TAF4B: variants seen among roughly 807,000 people sequenced by gnomAD.
The protein encoded by TAF4B is transcription initiation factor TFIID subunit 4B.
Under a neutral mutation model 86.4 loss-of-function variants are expected in TAF4B, and 38 were observed. That is an observed-to-expected ratio of 0.44 (90% CI 0.34 to 0.58). TAF4B has a LOEUF of 0.58. Ranked by LOEUF, TAF4B falls within the 20% of genes least tolerant of loss-of-function variation. The pLI, the probability that TAF4B is intolerant of heterozygous loss-of-function variation, is 0.02. For synonymous variants in TAF4B, 388 were observed against 391.2 expected (o/e 0.99, Z 0.10); for missense variants, 988 against 1,027.6 (o/e 0.96, Z 0.53).
chr18:26,272,496 A>G (rs1304780902), intron 3 of TAF4B, among the ~76,000 whole-genome samples: 1 of 152,110 alleles, frequency 6.6e-6, no homozygotes, highest in Non-Finnish European at 1.5e-5. Context: ...TGGAGACAGG[A>G]TAAAACATTG....
intron 9 of TAF4B, among the ~76,000 whole-genome samples, chr18:26,297,097 G>A (rs1236512761): frequency 6.6e-6 from 1 of 150,904 alleles, no homozygotes; most frequent in African/African-American, 2.4e-5. Flanking sequence ...TTGCGCCACT[G>A]CACTCCAGCC....
intron 9 of TAF4B, among the ~76,000 whole-genome samples, chr18:26,305,590 A>G (rs574342753): frequency 6.6e-6 from 1 of 152,194 alleles, no homozygotes; most frequent in African/African-American, 2.4e-5. Flanking sequence ...TATTTTTAGT[A>G]GAGACGGGGT....
At chr18:26,350,131 G>A (rs1393497069) in intron 13 of TAF4B, among the ~76,000 whole-genome samples, 5 of 152,132 alleles carry the variant, frequency 3.3e-5, no homozygotes, top group African/African-American at 1.2e-4. Flanking sequence ...AAATGCTTCA[G>A]GACATACTTT....
At chr18:26,355,088 G>A (rs572271186) in intron 13 of TAF4B, among the ~76,000 whole-genome samples, 2 of 152,236 alleles carry the variant, frequency 1.3e-5, no homozygotes, top group East Asian at 3.9e-4. Context: ...GATTTATAGT[G>A]TAGAAATACC....
chr18:26,362,126 T>C (rs2057337467), intron 14 of TAF4B, among the ~76,000 whole-genome samples: 1 of 152,224 alleles, frequency 6.6e-6, no homozygotes, highest in African/African-American at 2.4e-5. Flanking sequence ...GATAAGTATA[T>C]GTGCTTTAGA....
intron 12 of TAF4B, among the ~76,000 whole-genome samples, chr18:26,331,781 T>C (rs188442392): frequency 3.9e-5 from 6 of 152,344 alleles, no homozygotes; most frequent in African/African-American, 2.4e-5. Flanking sequence ...ACTTTCATAC[T>C]AACTTCTAAG....
intron 1 of TAF4B, among the ~76,000 whole-genome samples, chr18:26,242,881 ATTCT>A (rs1303607163): frequency 3.3e-5 from 5 of 149,696 alleles, no homozygotes; most frequent in South Asian, 4.2e-4. Context: ...TGACTTGAAA[ATTCT>A]TTCTTTAAGA....
At chr18:26,304,207 G>GT (rs2056771584) in intron 9 of TAF4B, among the ~76,000 whole-genome samples, 3 of 88,510 alleles carry the variant, frequency 3.4e-5, no homozygotes, top group Admixed American at 1.3e-4. Flanking sequence ...TTATTCCATT[G>GT]TTTTTGGGTG....
chr18:26,357,743 T>C lies in TAF4B; in HGVS notation c.2370T>C (p.Ala790=). The C allele has an allele frequency of 1.2e-6, 2 of 1,613,444 alleles. No homozygotes were observed. Among genetic ancestry groups the C allele is most frequent in the Non-Finnish European group, 1.7e-6 (2 of 1,179,672 alleles). Reference sequence around the variant, plus strand: ...AGCATAGAGACGCTAATCTCACAGCTCTTGCAGCTATTGGACCAAGGAAGA... The same window carrying C: ...AGCATAGAGACGCTAATCTCACAGCCCTTGCAGCTATTGGACCAAGGAAGA... ...QIQHRDANLT[A]LAAIGPRKKR... is the part of the protein sequence containing the mutation. The change falls in exon 14 of 15, where the codon GCT becomes GCC. Residue 790 remains alanine, a synonymous_variant. Coordinates refer to ENST00000269142, the MANE Select transcript of TAF4B (RefSeq NM_005640.3).
rs186571518 is a variant in TAF4B, at chr18:26,359,225, T to C, written c.2421+1431T>C. ...ACTTTTTAAGGGTGTATGACATTAC[T>C]GTATTTAAGTAAACCATAATTTATT... On this transcript the variant is annotated intron_variant, in intron 14 of 14. Coordinates refer to ENST00000269142, the MANE Select transcript of TAF4B (RefSeq NM_005640.3). Among the ~76,000 whole-genome samples the C allele has an allele frequency of 1.8e-3, 270 of 152,370 alleles. 1 individual carries two copies. The highest frequency in any genetic ancestry group is 0.017 in the Middle Eastern group (5 of 294).
rs1225746467 is a variant in TAF4B, at chr18:26,304,030, T to G, written c.1832+10499T>G. ...TAATATTTTTGGTAACTGCCTTTTC[T>G]TTTACTAGCATAGAGAAATTCAGGA... On this transcript the variant is annotated intron_variant, in intron 9 of 14. Coordinates refer to ENST00000269142, the MANE Select transcript of TAF4B (RefSeq NM_005640.3). Among the ~76,000 whole-genome samples the G allele has an allele frequency of 3.3e-5, 5 of 152,114 alleles. No homozygotes were observed. The East Asian group carries it at 9.6e-4, about 29-fold the overall frequency.
rs551827435 is a variant in TAF4B at position 26,297,512 on chromosome 18, C to T, written c.1832+3981C>T. On this transcript the variant is annotated intron_variant, in intron 9 of 14. Coordinates refer to ENST00000269142, the MANE Select transcript of TAF4B (RefSeq NM_005640.3). ...ATGTTTTGTGCCCTGCATGCTTTCC[C>T]CCTGGCTTCTCTATTCTGTTTTAGT... 1.3e-4 allele frequency among the ~76,000 whole-genome samples: 20 copies of T among 152,266 alleles called. 1 individual carries two copies. In the South Asian group the frequency reaches 4.1e-3, roughly 32 times the overall value.
intron 6 of TAF4B, among the ~76,000 whole-genome samples, chr18:26,285,222 G>GTT (rs776976703): frequency 4.4e-5 from 2 of 45,688 alleles, no homozygotes; most frequent in Non-Finnish European, 9.0e-5. Flanking sequence ...TTTTTTTTTT[G>GTT]TTTTTTTTTT....
At chr18:26,293,018 C>CT (rs1250594698) in intron 8 of TAF4B, among the ~76,000 whole-genome samples, 1 of 152,102 alleles carries the variant, frequency 6.6e-6, no homozygotes, top group Non-Finnish European at 1.5e-5. Flanking sequence ...TATGTACACA[C>CT]TTGTATGCAT....
chr18:26,291,987 C>T (rs1029494851), intron 7 of TAF4B, among the ~76,000 whole-genome samples: 3 of 152,116 alleles, frequency 2.0e-5, no homozygotes, highest in Admixed American at 6.5e-5. Context: ...AATTGGAAAT[C>T]GGATTTATAG....
At chr18:26,267,693 T>C (rs1406333867) in intron 3 of TAF4B, 70 bp downstream of exon 3, 4 of 1,036,252 alleles carry the variant, frequency 3.9e-6, no homozygotes, top group Non-Finnish European at 6.0e-6. Context: ...AGCTATCTCC[T>C]GTTAGATATG....
chr18:26,276,209 T>TA, intron 5 of TAF4B, among the ~76,000 whole-genome samples: 1 of 152,112 alleles, frequency 6.6e-6, no homozygotes, highest in East Asian at 1.9e-4. Flanking sequence ...ATGAGAATGT[T>TA]AAACATGATG....
At chr18:26,346,058 TTCTGGGC>T (rs1468645471) in intron 13 of TAF4B, among the ~76,000 whole-genome samples, 1 of 152,142 alleles carries the variant, frequency 6.6e-6, no homozygotes, top group African/African-American at 2.4e-5. Flanking sequence ...AACTTTGAAG[TTCTGGGC>T]TCAAGCTATC....
intron 9 of TAF4B, chr18:26,304,708 G>C: frequency 1.0e-6 from 1 of 985,290 alleles, no homozygotes; most frequent in Non-Finnish European, 1.2e-6. Flanking sequence ...ATTTGCCCTT[G>C]AGGCAATTCT....
Sources: allele counts gnomAD v4.1 joint callset (sites outside exome capture counted in the v4.1 genomes callset), GRCh38; gene constraint gnomAD v4.1.1; transcripts MANE v1.5; gene names NCBI Gene and HGNC (gene_info 2026-07-23, HGNC 2026-07-21).